The following USP40 variants were observed in gnomAD, a reference collection of about 807,000 sequenced individuals.
The protein encoded by USP40 is ubiquitin carboxyl-terminal hydrolase 40.
A neutral mutation model predicts 166.2 loss-of-function variants in USP40; 143 were observed. The ratio of observed to expected loss-of-function variants is 0.86; its 90% CI spans 0.75 to 0.99. The LOEUF (loss-of-function observed/expected upper bound fraction) is 0.99. Ranked by LOEUF, USP40 falls within the 50% of genes least tolerant of loss-of-function variation. The pLI, the probability that USP40 is intolerant of heterozygous loss-of-function variation, is 0.00. For missense variants in USP40, 1,444 were observed against 1,479.7 expected (o/e 0.98, Z 0.40); for synonymous variants, 498 against 524.0 (o/e 0.95, Z 0.68).
Position 233,494,150 on chromosome 2 carries a change from T to C in USP40, c.2791-599A>G, listed in dbSNP as rs1246893003. Reference sequence around the variant, plus strand: ...AATAAAAATTAACCACCTAAAACATTTTAAATAGATAGTTCAAGAAATGTG... The same window carrying C: ...AATAAAAATTAACCACCTAAAACATCTTAAATAGATAGTTCAAGAAATGTG... On this transcript the variant is annotated intron_variant, in intron 24 of 31. Transcript: ENST00000678225. Among the ~76,000 whole-genome samples the C allele has an allele frequency of 2.6e-5, 4 of 152,328 alleles. No homozygotes were observed. In the East Asian group the frequency reaches 5.8e-4, roughly 22 times the overall value.
At chr2:233,531,286 A>G (rs770370938) in intron 11 of USP40, among the ~76,000 whole-genome samples, 2 of 152,216 alleles carry the variant, frequency 1.3e-5, no homozygotes, top group Non-Finnish European at 2.9e-5. Context: ...ATATGTTTTT[A>G]CTGATACAGC....
intron 4 of USP40, among the ~76,000 whole-genome samples, chr2:233,557,941 G>C (rs578088063): frequency 3.5e-5 from 5 of 143,268 alleles, no homozygotes; most frequent in African/African-American, 1.3e-4. Flanking sequence ...TGAACCCAGG[G>C]CTGCAGTGAG....
At chr2:233,515,983 A>G (rs539371361) in intron 18 of USP40, among the ~76,000 whole-genome samples, 2 of 152,228 alleles carry the variant, frequency 1.3e-5, no homozygotes, top group East Asian at 3.9e-4. Context: ...TTGAAAGTCA[A>G]TGACTACGCA....
chr2:233,525,560 C>CA lies in USP40; in HGVS notation c.1727dup (p.Leu577ValfsTer11). 4.3e-6 allele frequency: 7 copies of CA among 1,610,808 alleles called. No individual in the cohort carries two copies. The highest frequency in any genetic ancestry group is 5.9e-6 in the Non-Finnish European group (7 of 1,177,396). ...CCATGTCTCCTTCCCAAAATTCTAA[C>CA]AGCTGAAGAATATTAATGAAGGAAA... On this transcript the variant is annotated frameshift_variant and splice_region_variant, in exon 14 of 32. Transcript: ENST00000678225. LOFTEE classifies it high-confidence loss of function.
In USP40 at chr2:233,543,251, A is replaced by G. The variant is rs566266699; in HGVS notation, c.967-888T>C. ...AATGCAAGCCAAAAATAAATAATCA[A>G]TAAGTGATGGAAAAATATGGCAGGC... On this transcript the variant is annotated intron_variant, in intron 8 of 31. Coordinates refer to ENST00000678225, the MANE Select transcript of USP40 (RefSeq NM_001365479.2). Among the ~76,000 whole-genome samples the G allele has an allele frequency of 1.3e-4, 20 of 152,366 alleles. No individual in the cohort carries two copies. The East Asian group carries it at 3.9e-3, about 29-fold the overall frequency.
intron 9 of USP40, among the ~76,000 whole-genome samples, chr2:233,541,031 G>A (rs540573552): frequency 3.3e-5 from 5 of 152,182 alleles, no homozygotes; most frequent in South Asian, 2.1e-4. Context: ...TCAAGGTTTC[G>A]TAAATTCCCA....
Position 233,532,617 on chromosome 2 carries a change from C to T in USP40, c.1471+862G>A, listed in dbSNP as rs368090935. On this transcript the variant is annotated intron_variant, in intron 11 of 31. Coordinates refer to ENST00000678225, the MANE Select transcript of USP40 (RefSeq NM_001365479.2). ...TTGCTTCATTCTTTGCTTTGCTGGG[C>T]GTTTTGTCTAATTCTTTGTTCGAAA... is the stretch of plus-strand genomic sequence containing the variant. Among the ~76,000 whole-genome samples, 14 of 152,216 alleles carry T rather than the reference C, an allele frequency of 9.2e-5. No homozygotes were observed. The South Asian group carries it at 2.5e-3, about 27-fold the overall frequency.
At chr2:233,533,346 T>A in intron 11 of USP40, 133 bp downstream of exon 11, 1 of 900,138 alleles carries the variant, frequency 1.1e-6, no homozygotes, top group South Asian at 1.9e-5. Context: ...ATATAGTTCT[T>A]GTTAGCTTTA....
Position 233,477,368 on chromosome 2 carries a change from G to A in USP40, c.*24C>T, listed in dbSNP as rs368208559. 8.0e-5 allele frequency: 128 copies of A among 1,606,456 alleles called. No homozygotes were observed. The highest frequency in any genetic ancestry group is 1.1e-4 in the Non-Finnish European group (124 of 1,174,492). On this transcript the variant is annotated 3_prime_UTR_variant, in exon 32 of 32. Coordinates refer to ENST00000678225, the MANE Select transcript of USP40 (RefSeq NM_001365479.2). Reference sequence around the variant, plus strand: ...TGGCATCAGCCGGAGAGTTCATCGGGAGTAGAGCCGTGCAGCGGCGCGGTT... The same window carrying A: ...TGGCATCAGCCGGAGAGTTCATCGGAAGTAGAGCCGTGCAGCGGCGCGGTT...
intron 12 of USP40, among the ~76,000 whole-genome samples, chr2:233,528,841 C>CA (rs896757056): frequency 1.2e-4 from 18 of 152,262 alleles, no homozygotes; most frequent in African/African-American, 3.1e-4. Context: ...TTGACCCTAA[C>CA]AGAGCACAAA....
chr2:233,524,795 T>G (rs886527465), intron 14 of USP40, among the ~76,000 whole-genome samples: 1 of 152,198 alleles, frequency 6.6e-6, no homozygotes, highest in African/African-American at 2.4e-5. Flanking sequence ...AAAGGTCAAG[T>G]GTACTTGAGG....
At chr2:233,551,840 C>T (rs1426261538) in intron 6 of USP40, among the ~76,000 whole-genome samples, 1 of 152,174 alleles carries the variant, frequency 6.6e-6, no homozygotes, top group Admixed American at 6.5e-5. Context: ...TTGGTGTCTC[C>T]ACTTTACCTG....
At chr2:233,483,798 C>T (rs2125037249) in intron 30 of USP40, among the ~76,000 whole-genome samples, 1 of 152,246 alleles carries the variant, frequency 6.6e-6, no homozygotes, top group Non-Finnish European at 1.5e-5. Context: ...CAGTTCTGGT[C>T]CCAAGCATCT....
At chr2:233,548,250 C>T (rs560848771) in intron 8 of USP40, among the ~76,000 whole-genome samples, 1 of 152,260 alleles carries the variant, frequency 6.6e-6, no homozygotes, top group African/African-American at 2.4e-5. Context: ...TTATTGAGCA[C>T]TGTTTCAAAG....
At chr2:233,558,086 T>A (rs1260292931) in intron 4 of USP40, among the ~76,000 whole-genome samples, 1 of 151,904 alleles carries the variant, frequency 6.6e-6, no homozygotes, top group Non-Finnish European at 1.5e-5. Flanking sequence ...ATCTTGCCTT[T>A]TAAAATACAA....
In USP40 at chr2:233,485,522, A is replaced by G. The variant is rs769871726; in HGVS notation, c.3504+9T>C. The stretch of plus-strand genomic sequence containing the variant: ...CTCAAAGTGGTAAATTTGCTGTTAA[A>G]CAACTTACCTTAACACCAATAGTAT... On this transcript the variant is annotated intron_variant, in intron 30 of 31. Coordinates refer to ENST00000678225, the MANE Select transcript of USP40 (RefSeq NM_001365479.2). 9.3e-6 allele frequency: 15 copies of G among 1,607,654 alleles called. No homozygotes were observed. Among genetic ancestry groups the G allele is most frequent in the Non-Finnish European group, 1.3e-5 (15 of 1,175,760 alleles).
chr2:233,506,071 G>C (rs930627117), intron 21 of USP40, among the ~76,000 whole-genome samples: 2 of 152,132 alleles, frequency 1.3e-5, no homozygotes, highest in African/African-American at 4.8e-5. Context: ...CAGAGCTGGA[G>C]GCACCATACT....
chr2:233,516,328 T>TA (rs201698413), intron 18 of USP40, among the ~76,000 whole-genome samples: 1 of 152,258 alleles, frequency 6.6e-6, no homozygotes, highest in Non-Finnish European at 1.5e-5. Flanking sequence ...TCAATTTCTT[T>TA]AAAAAATGTT....
chr2:233,560,612 G>C (rs1183898911), intron 3 of USP40: 1 of 172,974 alleles, frequency 5.8e-6, no homozygotes, highest in African/African-American at 2.4e-5. Context: ...TACTGGGCTA[G>C]ATCATGAAAG....
Sources: allele counts gnomAD v4.1 joint callset (sites outside exome capture counted in the v4.1 genomes callset), GRCh38; gene constraint gnomAD v4.1.1; transcripts MANE v1.5; gene names NCBI Gene and HGNC (gene_info 2026-07-23, HGNC 2026-07-21).